Variants in AP3B1 observed in about 807,000 individuals in gnomAD.
AP3B1 encodes the protein adaptor related protein complex 3 subunit beta 1, also known as AP-3 complex subunit beta-1.
Under a neutral mutation model 132.5 loss-of-function variants are expected in AP3B1, and 61 were observed. The observed-to-expected ratio is 0.46, with a 90% CI of 0.37 to 0.57. AP3B1 has a LOEUF of 0.57. Ranked by LOEUF, AP3B1 falls within the 20% of genes least tolerant of loss-of-function variation. The pLI, the probability that AP3B1 is intolerant of heterozygous loss-of-function variation, is 0.00. For missense variants in AP3B1, 1,120 were observed against 1,289.4 expected (o/e 0.87, Z 2.01); for synonymous variants, 388 against 438.3 (o/e 0.89, Z 1.43).
intron 17 of AP3B1, among the ~76,000 whole-genome samples, chr5:78,122,984 G>A (rs1752291377): frequency 1.3e-5 from 2 of 152,190 alleles, no homozygotes; most frequent in African/African-American, 2.4e-5. Context: ...GCATGGTACT[G>A]GTACCAAAAC....
intron 7 of AP3B1, among the ~76,000 whole-genome samples, chr5:78,208,824 T>C (rs1450540371): frequency 1.3e-5 from 2 of 152,186 alleles, no homozygotes; most frequent in Non-Finnish European, 2.9e-5. Context: ...AAGCAATTTT[T>C]GATTCCAAAA....
intron 7 of AP3B1, among the ~76,000 whole-genome samples, chr5:78,201,221 T>C (rs1167708614): frequency 6.6e-6 from 1 of 152,208 alleles, no homozygotes; most frequent in Non-Finnish European, 1.5e-5. Flanking sequence ...AAAACAATAA[T>C]ACAACTACTT....
chr5:78,207,708 C>T (rs1396315283), intron 7 of AP3B1, among the ~76,000 whole-genome samples: 2 of 150,366 alleles, frequency 1.3e-5, no homozygotes, highest in Non-Finnish European at 3.0e-5. Flanking sequence ...TTTTAGCATG[C>T]AGAAAAAAAA....
At chr5:78,238,166 T>G (rs1746962399) in intron 3 of AP3B1, among the ~76,000 whole-genome samples, 1 of 152,166 alleles carries the variant, frequency 6.6e-6, no homozygotes, top group Non-Finnish European at 1.5e-5. Context: ...ACAGCAGCAT[T>G]AGATTCTCAT....
chr5:78,124,932 T>C (rs1261550301), intron 17 of AP3B1, among the ~76,000 whole-genome samples: 1 of 152,148 alleles, frequency 6.6e-6, no homozygotes, highest in Non-Finnish European at 1.5e-5. Flanking sequence ...ATGAATTCTA[T>C]GGAGTTTCAG....
At chr5:78,216,294 T>A in intron 6 of AP3B1, 57 bp from the exon 7 acceptor site, 3 of 1,506,382 alleles carry the variant, frequency 2.0e-6, no homozygotes, top group Middle Eastern at 1.7e-4. Context: ...ACATCAAAGG[T>A]CTTACTCAGG....
intron 7 of AP3B1, among the ~76,000 whole-genome samples, chr5:78,211,065 C>T (rs1220223611): frequency 1.3e-5 from 2 of 152,130 alleles, no homozygotes; most frequent in Non-Finnish European, 2.9e-5. Flanking sequence ...TTTTAGCAGT[C>T]TCTTGAATTT....
chr5:78,070,084 T>C (rs150188286), intron 22 of AP3B1, among the ~76,000 whole-genome samples: 275 of 152,200 alleles, frequency 1.8e-3, no homozygotes, highest in African/African-American at 6.0e-3. Flanking sequence ...CCTTACACCT[T>C]ATACAAAAAT....
intron 11 of AP3B1, among the ~76,000 whole-genome samples, 185 bp from the exon 12 acceptor site, chr5:78,165,857 C>T (rs1363265376): frequency 1.3e-5 from 2 of 152,096 alleles, no homozygotes; most frequent in African/African-American, 2.4e-5. Context: ...TCACCTGAGG[C>T]TGGGAGTGCA....
chr5:78,078,977 T>G (rs1749874284), intron 22 of AP3B1, among the ~76,000 whole-genome samples: 1 of 152,218 alleles, frequency 6.6e-6, no homozygotes, highest in South Asian at 2.1e-4. Flanking sequence ...ATTTCAGATA[T>G]GAAAGCTCTT....
In AP3B1 at chr5:78,175,618, A is replaced by G. The variant is rs764442864; in HGVS notation, c.1167+8T>C. On this transcript the variant is annotated splice_region_variant and intron_variant, in intron 11 of 26. Transcript: ENST00000255194. The stretch of plus-strand genomic sequence containing the variant: ...TTAAAAGCCTCTGAAAAATGAAAGC[A>G]TACATACCTTCAGTGTCTTGATCAT... The G allele has an allele frequency of 2.1e-5, 34 of 1,609,532 alleles. No homozygotes were observed. The highest frequency in any genetic ancestry group is 2.9e-5 in the Non-Finnish European group (34 of 1,176,394).
intron 7 of AP3B1, among the ~76,000 whole-genome samples, chr5:78,214,085 T>A (rs778297784): frequency 6.6e-6 from 1 of 152,214 alleles, no homozygotes; most frequent in Non-Finnish European, 1.5e-5. Flanking sequence ...TAAATTAGTC[T>A]AATGAGCACA....
chr5:78,007,591 G>A (rs563658449), intron 26 of AP3B1, among the ~76,000 whole-genome samples: 6 of 152,104 alleles, frequency 3.9e-5, no homozygotes, highest in East Asian at 3.8e-4. Context: ...TAATGAAGTC[G>A]CACGATCATT....
intron 21 of AP3B1, among the ~76,000 whole-genome samples, chr5:78,096,659 C>G (rs1355041650): frequency 5.9e-5 from 9 of 151,780 alleles, no homozygotes; most frequent in Non-Finnish European, 1.2e-4. Flanking sequence ...TCTGCCCGGC[C>G]GCGACTCCGT....
chr5:78,088,590 A>C (rs1750365685), intron 22 of AP3B1, among the ~76,000 whole-genome samples: 1 of 152,166 alleles, frequency 6.6e-6, no homozygotes, highest in African/African-American at 2.4e-5. Flanking sequence ...TCAGATGATC[A>C]GTTATATGCC....
Position 78,097,077 on chromosome 5 carries a change from C to A in AP3B1, c.2470+3876G>T, listed in dbSNP as rs1443218654. On this transcript the variant is annotated intron_variant, in intron 21 of 26. Transcript: ENST00000255194. Reference sequence around the variant, plus strand: ...GAGGGAGGTTGGGGGGTCAGCCCCCCGCCCGGCCAGCCGCCCCGTCCGGGA... The same window carrying A: ...GAGGGAGGTTGGGGGGTCAGCCCCCAGCCCGGCCAGCCGCCCCGTCCGGGA... Among the ~76,000 whole-genome samples, 7 of 120,372 alleles carry A rather than the reference C, an allele frequency of 5.8e-5. 1 individual carries two copies. Among genetic ancestry groups the A allele is most frequent in the African/African-American group, 1.7e-4 (5 of 29,994 alleles). The allele number at this position is 120,372 out of a possible 152,430, so 79.0% of individuals were successfully genotyped here.
At chr5:78,208,104 A>T (rs1745586878) in intron 7 of AP3B1, among the ~76,000 whole-genome samples, 1 of 152,142 alleles carries the variant, frequency 6.6e-6, no homozygotes, top group African/African-American at 2.4e-5. Flanking sequence ...AGAGAGAAAG[A>T]GAGAGAGAAG....
chr5:78,284,022 T>C (rs1388242991), intron 1 of AP3B1, among the ~76,000 whole-genome samples: 1 of 152,202 alleles, frequency 6.6e-6, no homozygotes, highest in African/African-American at 2.4e-5. Context: ...CACTGAATTG[T>C]TTCCTGTTCC....
intron 1 of AP3B1, among the ~76,000 whole-genome samples, chr5:78,285,493 T>C (rs1012677754): frequency 2.0e-5 from 3 of 152,164 alleles, no homozygotes; most frequent in Non-Finnish European, 1.5e-5. Context: ...ACTCACTTCC[T>C]CAGTGTCTCA....
Sources: allele counts gnomAD v4.1 joint callset (sites outside exome capture counted in the v4.1 genomes callset), GRCh38; gene constraint gnomAD v4.1.1; transcripts MANE v1.5; gene names NCBI Gene and HGNC (gene_info 2026-07-23, HGNC 2026-07-21).